The following MBNL2 variants were observed in gnomAD, a reference collection of about 807,000 sequenced individuals.
MBNL2 encodes the protein muscleblind-like protein 2.
MBNL2 carries 17 observed loss-of-function variants against 41.9 expected under a neutral mutation model. That is an observed-to-expected ratio of 0.41 (90% CI 0.28 to 0.61). The LOEUF (loss-of-function observed/expected upper bound fraction) is 0.61. Ranked by LOEUF, MBNL2 falls within the 20% of genes least tolerant of loss-of-function variation. The pLI is 0.35. For missense variants in MBNL2, 336 were observed against 505.6 expected (o/e 0.66, Z 3.22); for synonymous variants, 195 against 182.9 (o/e 1.07, Z -0.53).
At chr13:97,353,826 C>A (rs745348469) in intron 5 of MBNL2, among the ~76,000 whole-genome samples, 8 of 152,104 alleles carry the variant, frequency 5.3e-5, no homozygotes, top group Non-Finnish European at 1.0e-4. Flanking sequence ...AGACAAGCTG[C>A]CGTCAGCTAG....
At chr13:97,276,527 G>A in intron 2 of MBNL2, 118 bp downstream of exon 2, 3 of 986,936 alleles carry the variant, frequency 3.0e-6, no homozygotes, top group Middle Eastern at 2.3e-4. Context: ...TTTCTTGTTT[G>A]TGGTGACTGT....
the MBNL2 span, among the ~76,000 whole-genome samples, chr13:97,207,113 C>T: frequency 6.6e-6 from 1 of 152,186 alleles, no homozygotes; most frequent in Admixed American, 6.5e-5. Context: ...ACTCATTATA[C>T]AGCTAAAGTG....
intron 2 of MBNL2, among the ~76,000 whole-genome samples, chr13:97,285,524 CAG>C (rs1415992229): frequency 1.3e-5 from 2 of 152,170 alleles, no homozygotes; most frequent in Admixed American, 6.5e-5. Context: ...TCAACAGAAA[CAG>C]AAATTCAAAT....
At chr13:97,261,695 GA>G (rs1333737419) in intron 1 of MBNL2, among the ~76,000 whole-genome samples, 1 of 152,162 alleles carries the variant, frequency 6.6e-6, no homozygotes, top group Non-Finnish European at 1.5e-5. Flanking sequence ...GCACTGGCTG[GA>G]AGGCCCCAGC....
chr13:97,288,718 T>G (rs1385716951), intron 2 of MBNL2, among the ~76,000 whole-genome samples: 3 of 152,206 alleles, frequency 2.0e-5, no homozygotes, highest in African/African-American at 7.2e-5. Context: ...TTCCTCTGGC[T>G]CAAAGATTAT....
chr13:97,271,574 T>C (rs2051033901), intron 1 of MBNL2, among the ~76,000 whole-genome samples: 1 of 152,044 alleles, frequency 6.6e-6, no homozygotes, highest in African/African-American at 2.4e-5. Flanking sequence ...CTAAGTTCCC[T>C]CCCCTCACCC....
At chr13:97,185,640 T>A in the MBNL2 span, among the ~76,000 whole-genome samples, 1 of 152,212 alleles carries the variant, frequency 6.6e-6, no homozygotes, top group Non-Finnish European at 1.5e-5. Flanking sequence ...CAGAGGCATG[T>A]GGGCAGCCTC....
chr13:97,195,188 C>T, the MBNL2 span, among the ~76,000 whole-genome samples: 7,660 of 152,226 alleles, frequency 0.05, 255 homozygotes, highest in South Asian at 0.14. Flanking sequence ...GATGGAACAT[C>T]GTCGTCTCAG....
intron 2 of MBNL2, among the ~76,000 whole-genome samples, chr13:97,288,026 G>A (rs1389267475): frequency 1.3e-5 from 2 of 148,470 alleles, no homozygotes; most frequent in South Asian, 2.1e-4. Flanking sequence ...CACCTGCTTC[G>A]GCCTCCCAAA....
the MBNL2 span, among the ~76,000 whole-genome samples, chr13:97,169,519 C>G: frequency 6.6e-6 from 1 of 152,200 alleles, no homozygotes; most frequent in Non-Finnish European, 1.5e-5. Flanking sequence ...TTTCTCTGAT[C>G]TCATAGTTTT....
chr13:97,386,843 C>T (rs894163993), intron 8 of MBNL2, among the ~76,000 whole-genome samples: 42 of 151,990 alleles, frequency 2.8e-4, no homozygotes, highest in Non-Finnish European at 5.3e-4. Context: ...GATTTCCTTT[C>T]CTTATTGATA....
At chr13:97,329,938 CT>C (rs908949291) in intron 2 of MBNL2, among the ~76,000 whole-genome samples, 11 of 152,184 alleles carry the variant, frequency 7.2e-5, no homozygotes, top group Admixed American at 2.6e-4. Context: ...CCTCTGACCC[CT>C]GGTCTCAATT....
chr13:97,337,943 C>T (rs964517499), intron 3 of MBNL2, among the ~76,000 whole-genome samples: 2 of 152,180 alleles, frequency 1.3e-5, no homozygotes, highest in Admixed American at 1.3e-4. Context: ...TCTCAGCTCC[C>T]TCATCTAAGC....
the MBNL2 span, among the ~76,000 whole-genome samples, chr13:97,167,085 C>T: frequency 6.6e-6 from 1 of 152,000 alleles, no homozygotes; most frequent in Non-Finnish European, 1.5e-5. Flanking sequence ...AGAGTAAATG[C>T]TCAGTAATAT....
chr13:97,306,617 G>A (rs1237391368), intron 2 of MBNL2, among the ~76,000 whole-genome samples: 1 of 152,202 alleles, frequency 6.6e-6, no homozygotes, highest in African/African-American at 2.4e-5. Context: ...GACATAAATG[G>A]GAAACTTACC....
chr13:97,182,430 G>T, the MBNL2 span, among the ~76,000 whole-genome samples: 1 of 152,102 alleles, frequency 6.6e-6, no homozygotes, highest in Non-Finnish European at 1.5e-5. Flanking sequence ...TGTTTTATCT[G>T]ATTTTCCTTC....
At chr13:97,145,011 G>T in the MBNL2 span, among the ~76,000 whole-genome samples, 1 of 152,124 alleles carries the variant, frequency 6.6e-6, no homozygotes, top group Non-Finnish European at 1.5e-5. Flanking sequence ...TTTAAATTTT[G>T]TCTGTGTAAT....
chr13:97,155,554 A>T, the MBNL2 span, among the ~76,000 whole-genome samples: 1 of 93,014 alleles, frequency 1.1e-5, no homozygotes. Flanking sequence ...CCCTCCCCAC[A>T]CCCCACAACA....
chr13:97,355,765 C>CAGTT (rs1276936349), intron 5 of MBNL2, among the ~76,000 whole-genome samples: 3 of 152,106 alleles, frequency 2.0e-5, no homozygotes, highest in Non-Finnish European at 4.4e-5. Flanking sequence ...ATCTTTCAAG[C>CAGTT]AGTTCTTTGC....
Sources: allele counts gnomAD v4.1 joint callset (sites outside exome capture counted in the v4.1 genomes callset), GRCh38; gene constraint gnomAD v4.1.1; transcripts MANE v1.5; gene names NCBI Gene and HGNC (gene_info 2026-07-23, HGNC 2026-07-21).